The following SEMA3E variants were observed in gnomAD, a reference collection of about 807,000 sequenced individuals.
SEMA3E encodes the protein semaphorin-3E.
SEMA3E carries 49 observed loss-of-function variants against 93.6 expected under a neutral mutation model. The observed-to-expected ratio is 0.52, with a 90% confidence interval of 0.42 to 0.66. The LOEUF (loss-of-function observed/expected upper bound fraction) is 0.66. Ranked by LOEUF, SEMA3E falls within the 30% of genes least tolerant of loss-of-function variation. The pLI is 0.00. For missense variants in SEMA3E, 906 were observed against 964.8 expected (o/e 0.94, Z 0.81); for synonymous variants, 363 against 330.7 (o/e 1.10, Z -1.06).
At chr7:83,390,126 C>T (rs1211336990) in intron 14 of SEMA3E, among the ~76,000 whole-genome samples, 14 of 57,460 alleles carry the variant, frequency 2.4e-4, no homozygotes, top group Admixed American at 3.6e-4. Flanking sequence ...TGCGCGTATA[C>T]GTGTGCACAT....
At chr7:83,411,835 G>T (rs534015127) in intron 5 of SEMA3E, among the ~76,000 whole-genome samples, 9 of 152,228 alleles carry the variant, frequency 5.9e-5, no homozygotes, top group Non-Finnish European at 1.3e-4. Context: ...ACCTTTTAGG[G>T]CTTCAGTTAT....
chr7:83,500,590 C>CTTTTTTTTTT (rs371350850), intron 1 of SEMA3E, among the ~76,000 whole-genome samples: 20 of 100,640 alleles, frequency 2.0e-4, no homozygotes, highest in Non-Finnish European at 3.4e-4. Context: ...AACTTTCTTC[C>CTTTTTTTTTT]TTTTTTTTTT....
chr7:83,387,052 T>A lies in SEMA3E; in HGVS notation c.1668-2A>T, dbSNP rs1787896108. On this transcript the variant is annotated splice_acceptor_variant, in intron 14 of 16. Transcript: ENST00000643230. LOFTEE classifies it high-confidence loss of function. ...CGAACATCTTGTCTCCGGAAACGCC[T>A]GAAAGAAAGTAAATGCATTTAGATG... 1 of 1,612,650 alleles carries A rather than the reference T, an allele frequency of 6.2e-7. No homozygotes were observed. The highest frequency in any genetic ancestry group is 8.5e-7 in the Non-Finnish European group (1 of 1,179,388).
At chr7:83,493,630 G>A (rs1424172991) in intron 1 of SEMA3E, among the ~76,000 whole-genome samples, 4 of 151,754 alleles carry the variant, frequency 2.6e-5, no homozygotes, top group East Asian at 3.9e-4. Context: ...TGAATGCTTC[G>A]GCTACTCTCT....
chr7:83,499,436 A>G (rs1379926536), intron 1 of SEMA3E, among the ~76,000 whole-genome samples: 1 of 152,146 alleles, frequency 6.6e-6, no homozygotes. Context: ...ATATAGTTTG[A>G]ATTTCTCTTA....
chr7:83,383,238 CAAAATA>C (rs1787813041), intron 16 of SEMA3E, among the ~76,000 whole-genome samples: 1 of 36,016 alleles, frequency 2.8e-5, no homozygotes, highest in Non-Finnish European at 8.6e-5. Flanking sequence ...GATTTCTTAT[CAAAATA>C]AAGATTTGAT....
At chr7:83,454,855 A>T (rs1259249543) in intron 4 of SEMA3E, among the ~76,000 whole-genome samples, 1 of 152,228 alleles carries the variant, frequency 6.6e-6, no homozygotes, top group Non-Finnish European at 1.5e-5. Context: ...CTGCTGTCAC[A>T]TTACAAAATA....
chr7:83,648,144 G>A (rs1021571141), intron 1 of SEMA3E, among the ~76,000 whole-genome samples: 3 of 151,910 alleles, frequency 2.0e-5, no homozygotes, highest in Non-Finnish European at 4.4e-5. Flanking sequence ...CCTGTGTTCC[G>A]CGGGCTAGTG....
chr7:83,405,591 C>T, intron 8 of SEMA3E, 72 bp from the exon 9 acceptor site: 1 of 1,241,764 alleles, frequency 8.1e-7, no homozygotes, highest in South Asian at 1.2e-5. Context: ...ATTTATTCAC[C>T]TAAATTTGTT....
intron 14 of SEMA3E, among the ~76,000 whole-genome samples, chr7:83,391,888 C>T: frequency 6.6e-6 from 1 of 152,096 alleles, no homozygotes; most frequent in South Asian, 2.1e-4. Context: ...AAGAAAGAAA[C>T]TGCTTATTCT....
At chr7:83,460,141 C>T (rs942923749) in intron 4 of SEMA3E, among the ~76,000 whole-genome samples, 1 of 152,182 alleles carries the variant, frequency 6.6e-6, no homozygotes, top group Non-Finnish European at 1.5e-5. Flanking sequence ...TGATTCAGAT[C>T]GGGGGACCTC....
chr7:83,546,844 G>A (rs1178860299), intron 1 of SEMA3E, among the ~76,000 whole-genome samples: 1 of 152,064 alleles, frequency 6.6e-6, no homozygotes, highest in Non-Finnish European at 1.5e-5. Flanking sequence ...AAAAGGCAGA[G>A]CAAACTGGTT....
intron 1 of SEMA3E, among the ~76,000 whole-genome samples, chr7:83,531,358 TTTTTC>T (rs1475518063): frequency 7.0e-6 from 1 of 141,928 alleles, no homozygotes; most frequent in Non-Finnish European, 1.5e-5. Context: ...TTTTTTTTTT[TTTTTC>T]CGAGATGGAG....
At chr7:83,434,900 A>T (rs1401178148) in intron 4 of SEMA3E, among the ~76,000 whole-genome samples, 1 of 150,976 alleles carries the variant, frequency 6.6e-6, no homozygotes, top group East Asian at 2.0e-4. Context: ...TTTTTAGTAG[A>T]GACGGGGTTT....
intron 4 of SEMA3E, among the ~76,000 whole-genome samples, chr7:83,447,101 G>A (rs550600302): frequency 8.5e-5 from 13 of 152,320 alleles, no homozygotes; most frequent in Non-Finnish European, 1.3e-4. Context: ...GGACTAGGAT[G>A]AGAGAACAGC....
chr7:83,441,433 G>C (rs952814296), intron 4 of SEMA3E, among the ~76,000 whole-genome samples: 1 of 152,130 alleles, frequency 6.6e-6, no homozygotes, highest in Non-Finnish European at 1.5e-5. Context: ...CTAAGATTCA[G>C]ATTTGTGAAC....
chr7:83,521,703 T>G (rs956595541), intron 1 of SEMA3E, among the ~76,000 whole-genome samples: 2 of 152,068 alleles, frequency 1.3e-5, no homozygotes, highest in East Asian at 1.9e-4. Flanking sequence ...TCTTCTGGTG[T>G]TGTCCTCATG....
chr7:83,501,094 C>T (rs1013608847), intron 1 of SEMA3E, among the ~76,000 whole-genome samples: 1 of 152,072 alleles, frequency 6.6e-6, no homozygotes, highest in African/African-American at 2.4e-5. Flanking sequence ...TAATAAGATA[C>T]TATTATTTTA....
intron 2 of SEMA3E, 92 bp downstream of exon 2, chr7:83,490,022 G>A: frequency 8.5e-7 from 1 of 1,183,214 alleles, no homozygotes; most frequent in East Asian, 2.5e-5. Context: ...AAATTTTAAA[G>A]TGGTCAATAC....
Sources: gnomAD v4.1 joint callset for allele counts (sites outside exome capture counted in the v4.1 genomes callset) on GRCh38, gnomAD v4.1.1 for gene constraint, MANE v1.5 for transcripts, NCBI Gene and HGNC (gene_info 2026-07-23, HGNC 2026-07-21) for gene names.